TXN2: variants seen among roughly 807,000 people sequenced by gnomAD.
The protein encoded by TXN2 is thioredoxin, mitochondrial.
Under a neutral mutation model 14.6 loss-of-function variants are expected in TXN2, and 12 were observed. The observed-to-expected ratio is 0.82, with a 90% CI of 0.53 to 1.33. The LOEUF (loss-of-function observed/expected upper bound fraction) is 1.33, where lower values mean the gene tolerates loss of function less well. TXN2 is among the 40% of genes most tolerant of loss of function. The probability of loss-of-function intolerance (pLI) is 0.00; values close to 1 mark genes in which losing one functional copy is unlikely to be tolerated. For synonymous variants in TXN2, 89 were observed against 81.0 expected (o/e 1.10, Z -0.53); for missense variants, 173 against 207.7 (o/e 0.83, Z 1.03).
rs1933185557 is a variant in TXN2 at position 36,467,558 on chromosome 22, C to A, written c.*246G>T. 4.1e-6 allele frequency: 2 copies of A among 487,728 alleles called. No individual in the cohort carries two copies. Among genetic ancestry groups the A allele is most frequent in the African/African-American group, 3.9e-5 (2 of 51,252 alleles). 30.2% of individuals were successfully genotyped at this position (487,728 alleles called of 1,614,324 possible). On this transcript the variant is annotated 3_prime_UTR_variant, in exon 4 of 4. Transcript: ENST00000216185. ...CATCCTGGGAGAACTGCCATAGGCC[C>A]TAGAAGGAGGGATGAAAGGCGTATG...
At chr22:36,474,660 C>T (rs1933350066) in intron 3 of TXN2, among the ~76,000 whole-genome samples, 2 of 152,228 alleles carry the variant, frequency 1.3e-5, no homozygotes, top group Admixed American at 1.3e-4. Flanking sequence ...CTTCCTATTA[C>T]TTTAAAATAC....
At position 36,467,637 on chromosome 22, in the gene TXN2, C is replaced by T; in HGVS notation, c.*167G>A. On this transcript the variant is annotated 3_prime_UTR_variant, in exon 4 of 4. Transcript: ENST00000216185. Reference sequence around the variant, plus strand: ...CAGCAGCACCACCATCCTCTGATGGCCCCTGGGCAGTCCGCCAGCTCGGAA... The same window carrying T: ...CAGCAGCACCACCATCCTCTGATGGTCCCTGGGCAGTCCGCCAGCTCGGAA... The T allele has an allele frequency of 1.6e-6, 1 of 634,172 alleles. No individual in the cohort carries two copies. Among genetic ancestry groups the T allele is most frequent in the South Asian group, 1.8e-5 (1 of 56,010 alleles). 39.3% of individuals were successfully genotyped at this position (634,172 alleles called of 1,614,324 possible).
chr22:36,477,278 G>T (rs977940729), intron 2 of TXN2, among the ~76,000 whole-genome samples: 1 of 152,120 alleles, frequency 6.6e-6, no homozygotes, highest in Non-Finnish European at 1.5e-5. Flanking sequence ...CGCGATCTCG[G>T]CTCACTGCAA....
intron 3 of TXN2, among the ~76,000 whole-genome samples, chr22:36,469,236 G>A (rs971823399): frequency 3.3e-5 from 5 of 152,340 alleles, no homozygotes; most frequent in South Asian, 2.1e-4. Context: ...ATGAAATAAC[G>A]CAAGTAAAGG....
At chr22:36,481,064 G>T (rs1044417975) in intron 1 of TXN2, 8 of 465,762 alleles carry the variant, frequency 1.7e-5, no homozygotes, top group African/African-American at 1.4e-4. Context: ...CAACCAAAAA[G>T]AAATCGGGAT....
chr22:36,479,467 G>T (rs914182778), intron 2 of TXN2, among the ~76,000 whole-genome samples: 1 of 151,954 alleles, frequency 6.6e-6, no homozygotes, highest in African/African-American at 2.4e-5. Flanking sequence ...GGGTAGCTGG[G>T]ATTACAGGTG....
chr22:36,475,768 C>T (rs1000740738), intron 3 of TXN2, among the ~76,000 whole-genome samples: 1 of 152,204 alleles, frequency 6.6e-6, no homozygotes, highest in African/African-American at 2.4e-5. Flanking sequence ...GTAACACTAC[C>T]TGGCACTTGA....
chr22:36,476,601 A>C, intron 3 of TXN2, 132 bp downstream of exon 3: 1 of 1,318,482 alleles, frequency 7.6e-7, no homozygotes, highest in Non-Finnish European at 1.0e-6. Context: ...CAAAAAAAAA[A>C]AGCTCTGGAA....
chr22:36,481,582 G>C lies in TXN2; in HGVS notation c.-19C>G. The C allele has an allele frequency of 1.0e-6, 1 of 1,000,322 alleles. No individual in the cohort carries two copies. Among genetic ancestry groups the C allele is most frequent in the Non-Finnish European group, 1.2e-6 (1 of 830,020 alleles). 62.0% of individuals were successfully genotyped at this position (1,000,322 alleles called of 1,614,324 possible). A position where few individuals can be genotyped will look rare whatever the true frequency, so the allele number is the denominator to read the frequency against. Reference sequence around the variant, plus strand: ...CTCCTACCTCCCTGCAATGCGAGCGGAGGGATGCACAGCCTAGCCCTCCCT... The same window carrying C: ...CTCCTACCTCCCTGCAATGCGAGCGCAGGGATGCACAGCCTAGCCCTCCCT... On this transcript the variant is annotated 5_prime_UTR_variant, in exon 1 of 4. Coordinates refer to ENST00000216185, the MANE Select transcript of TXN2 (RefSeq NM_012473.4).
Position 36,480,743 on chromosome 22 carries a change from A to G in TXN2, c.95T>C (p.Leu32Pro), listed in dbSNP as rs1281051709. Residue 32 changes from leucine (L) to proline (P), a missense_variant, in exon 2 of 4, where the codon CTG (leucine) becomes CCG (proline). Coordinates refer to ENST00000216185, the MANE Select transcript of TXN2 (RefSeq NM_012473.4). ...GQWPPLTSRALQTPQCSPGGL... is the reference protein window; with the variant it reads ...GQWPPLTSRAPQTPQCSPGGL... The stretch of plus-strand genomic sequence containing the variant: ...ACCAGGACTGCATTGTGGGGTCTGC[A>G]GGGCTCTGGAAGTGAGGGGTGGCCA... 6.8e-6 allele frequency: 11 copies of G among 1,613,948 alleles called. No homozygotes were observed. The highest frequency in any genetic ancestry group is 9.3e-6 in the Non-Finnish European group (11 of 1,180,002).
intron 3 of TXN2, among the ~76,000 whole-genome samples, chr22:36,474,788 C>T (rs950694737): frequency 1.3e-5 from 2 of 152,182 alleles, no homozygotes; most frequent in African/African-American, 2.4e-5. Flanking sequence ...CCTCCCAATC[C>T]GGCTGCATTA....
At chr22:36,473,956 A>C (rs1603488455) in intron 3 of TXN2, among the ~76,000 whole-genome samples, 1 of 152,172 alleles carries the variant, frequency 6.6e-6, no homozygotes, top group South Asian at 2.1e-4. Context: ...GCTGGCCCTC[A>C]GGGGGTGTCT....
intron 3 of TXN2, among the ~76,000 whole-genome samples, chr22:36,470,087 C>T (rs1933242273): frequency 6.6e-6 from 1 of 152,242 alleles, no homozygotes; most frequent in South Asian, 2.1e-4. Context: ...CCCAGTGCTG[C>T]CCTGCCACGG....
intron 3 of TXN2, among the ~76,000 whole-genome samples, chr22:36,472,435 C>T (rs1450236545): frequency 6.6e-6 from 1 of 152,116 alleles, no homozygotes; most frequent in African/African-American, 2.4e-5. Flanking sequence ...AAACTTTTGG[C>T]TTTGGGGGAT....
At chr22:36,470,509 C>G (rs969316057) in intron 3 of TXN2, among the ~76,000 whole-genome samples, 1 of 152,260 alleles carries the variant, frequency 6.6e-6, no homozygotes, top group African/African-American at 2.4e-5. Flanking sequence ...CGGCTCCCAC[C>G]TGCACACTGT....
rs746529679 is a variant in TXN2 at position 36,467,860 on chromosome 22, C to A, written c.445G>T (p.Val149Leu). The A allele has an allele frequency of 6.8e-6, 11 of 1,614,120 alleles. No homozygotes were observed. The highest frequency in any genetic ancestry group is 2.2e-5 in the East Asian group (1 of 44,900). The part of the protein sequence containing the change: ...MKNGDVVDKF[V>L]GIKDEDQLEA... ...AACTGATCCTCATCCTTGATGCCCA[C>A]AAACTTGTCCACCACGTCCCCATTC... Residue 149 changes from valine to leucine, a missense_variant, in exon 4 of 4, where the codon GTG (valine) becomes TTG (leucine). Coordinates refer to ENST00000216185, the MANE Select transcript of TXN2 (RefSeq NM_012473.4).
At chr22:36,469,236 G>T (rs971823399) in intron 3 of TXN2, among the ~76,000 whole-genome samples, 1 of 152,222 alleles carries the variant, frequency 6.6e-6, no homozygotes, top group Non-Finnish European at 1.5e-5. Context: ...ATGAAATAAC[G>T]CAAGTAAAGG....
At chr22:36,470,442 G>A (rs1379170552) in intron 3 of TXN2, among the ~76,000 whole-genome samples, 1 of 152,238 alleles carries the variant, frequency 6.6e-6, no homozygotes, top group East Asian at 1.9e-4. Context: ...GGTCTGCAAA[G>A]GCAGCTGGAG....
In TXN2 at chr22:36,481,557, C is replaced by T. The variant is rs908450064; in HGVS notation, c.-1+7G>A. 7 of 999,948 alleles carry T rather than the reference C, an allele frequency of 7.0e-6. No homozygotes were observed. Among genetic ancestry groups the T allele is most frequent in the Non-Finnish European group, 8.4e-6 (7 of 829,696 alleles). 61.9% of individuals were successfully genotyped at this position (999,948 alleles called of 1,614,324 possible). On this transcript the variant is annotated splice_region_variant and intron_variant, in intron 1 of 3. Transcript: ENST00000216185. ...ACCACCTCGAGCCACCCCCACAGGG[C>T]TCCTACCTCCCTGCAATGCGAGCGG... is the stretch of plus-strand genomic sequence containing the variant.
Sources: gnomAD v4.1 joint callset for allele counts (sites outside exome capture counted in the v4.1 genomes callset) on GRCh38, gnomAD v4.1.1 for gene constraint, MANE v1.5 for transcripts, NCBI Gene and HGNC (gene_info 2026-07-23, HGNC 2026-07-21) for gene names.